The following NFILZ variants were observed in gnomAD, a reference collection of about 807,000 sequenced individuals.
NFILZ encodes the protein NFIL3 like basic leucine zipper.
chr19:8,652,976 C>CTTTCT, intron 3 of NFILZ, among the ~76,000 whole-genome samples: 1 of 96,142 alleles, frequency 1.0e-5, no homozygotes, highest in Admixed American at 1.2e-4. Context: ...TCCCTCCTTC[C>CTTTCT]TTCCTTCCTT....
At chr19:8,663,286 A>C (rs542592996) in intron 3 of NFILZ, among the ~76,000 whole-genome samples, 17 of 152,010 alleles carry the variant, frequency 1.1e-4, no homozygotes, top group African/African-American at 3.6e-4. Flanking sequence ...AGGTGAAGCC[A>C]GTAGTTTCCT....
intron 3 of NFILZ, among the ~76,000 whole-genome samples, chr19:8,636,443 ATCTTTT>A (rs1568416975): frequency 1.7e-5 from 1 of 59,190 alleles, no homozygotes; most frequent in Non-Finnish European, 3.4e-5. Flanking sequence ...GCGAGACTCC[ATCTTTT>A]TTTTTTTTTT....
At chr19:8,668,699 T>C (rs1555750037) in intron 3 of NFILZ, among the ~76,000 whole-genome samples, 1 of 152,178 alleles carries the variant, frequency 6.6e-6, no homozygotes, top group African/African-American at 2.4e-5. Context: ...TGCACTTCCA[T>C]GCGTGGGAGA....
rs1011342418 is a variant in NFILZ, at chr19:8,678,906, G to T, written c.*1271G>T. 3.9e-5 allele frequency among the ~76,000 whole-genome samples: 6 copies of T among 152,144 alleles called. No homozygotes were observed. Among genetic ancestry groups the T allele is most frequent in the Admixed American group, 6.5e-5 (1 of 15,286 alleles). On this transcript the variant is annotated 3_prime_UTR_variant, in exon 6 of 6. Transcript: ENST00000691075. ...TTTCTGGTCTTGGGTTTCCTGTCCT[G>T]GGGTAGGAATGGGTGTTTGGGAAGA...
chr19:8,660,636 C>T (rs2043025874), intron 3 of NFILZ, among the ~76,000 whole-genome samples: 1 of 96,498 alleles, frequency 1.0e-5, no homozygotes, highest in Non-Finnish European at 2.3e-5. Flanking sequence ...CCCTCCCTCC[C>T]TTACTTTTTT....
chr19:8,632,029 C>T (rs1028906537), intron 1 of NFILZ, among the ~76,000 whole-genome samples: 6 of 152,144 alleles, frequency 3.9e-5, no homozygotes, highest in Middle Eastern at 3.4e-3. Context: ...CCGCCACACT[C>T]GGCTAATTTT....
chr19:8,673,517 G>T (rs898480608), intron 3 of NFILZ, among the ~76,000 whole-genome samples: 1 of 152,198 alleles, frequency 6.6e-6, no homozygotes, highest in African/African-American at 2.4e-5. Flanking sequence ...AGTGGCAACA[G>T]GTGGGGAGGT....
intron 3 of NFILZ, among the ~76,000 whole-genome samples, chr19:8,648,166 C>T (rs1334803715): frequency 2.8e-4 from 30 of 105,998 alleles, no homozygotes; most frequent in African/African-American, 1.1e-3. Context: ...AGCGAGACTC[C>T]GTCTCAAAAA....
rs1356141264 is a variant in NFILZ, at chr19:8,678,067, T to C, written c.*432T>C. Among the ~76,000 whole-genome samples the C allele has an allele frequency of 1.7e-5, 1 of 58,972 alleles. No homozygotes were observed. The highest frequency in any genetic ancestry group is 3.3e-5 in the Non-Finnish European group (1 of 30,758). The allele number at this position is 58,972 out of a possible 152,430, so 38.7% of individuals were successfully genotyped here. Reference sequence around the variant, plus strand: ...ATCCATCCATCCACCCATCTATTCATCCATCCATCAATCCATCCATCCATT... The same window carrying C: ...ATCCATCCATCCACCCATCTATTCACCCATCCATCAATCCATCCATCCATT... On this transcript the variant is annotated 3_prime_UTR_variant, in exon 6 of 6. Coordinates refer to ENST00000691075, the MANE Select transcript of NFILZ (RefSeq NM_001378600.1).
chr19:8,638,433 A>C (rs1186577748), intron 3 of NFILZ: 1 of 152,206 alleles, frequency 6.6e-6, no homozygotes, highest in Non-Finnish European at 1.5e-5. Flanking sequence ...TCTGCCACTT[A>C]AGGACTGTGG....
intron 3 of NFILZ, among the ~76,000 whole-genome samples, chr19:8,637,479 G>C (rs1032711107): frequency 1.2e-4 from 18 of 151,578 alleles, no homozygotes; most frequent in African/African-American, 4.1e-4. Flanking sequence ...AGGGAATGGC[G>C]GTGCATACTT....
chr19:8,630,796 T>TTC (rs538904190), intron 1 of NFILZ, 52 bp downstream of exon 1: 4 of 152,262 alleles, frequency 2.6e-5, no homozygotes, highest in African/African-American at 9.6e-5. Context: ...GGTGGGACAT[T>TTC]TCTGGTCTCT....
intron 3 of NFILZ, among the ~76,000 whole-genome samples, chr19:8,648,055 T>C (rs1555747366): frequency 6.7e-6 from 1 of 150,196 alleles, no homozygotes; most frequent in African/African-American, 2.5e-5. Context: ...GTGCCTGTAG[T>C]CCCAGCTACT....
At chr19:8,666,245 G>T (rs926342899) in intron 3 of NFILZ, among the ~76,000 whole-genome samples, 23 of 151,816 alleles carry the variant, frequency 1.5e-4, no homozygotes, top group African/African-American at 4.6e-4. Context: ...TTGAGACAGG[G>T]TGTCACTCCT....
chr19:8,647,882 A>G (rs987862633), intron 3 of NFILZ, among the ~76,000 whole-genome samples: 18 of 151,198 alleles, frequency 1.2e-4, no homozygotes, highest in African/African-American at 4.4e-4. Context: ...GCATCAGGAA[A>G]AATAGGGAAG....
chr19:8,669,079 G>A (rs1308440003), intron 3 of NFILZ, among the ~76,000 whole-genome samples: 3 of 152,132 alleles, frequency 2.0e-5, no homozygotes, highest in African/African-American at 7.2e-5. Context: ...GAGTAGCTGG[G>A]ACTACAGGCG....
intron 3 of NFILZ, among the ~76,000 whole-genome samples, chr19:8,651,454 G>A (rs1271339917): frequency 2.0e-5 from 3 of 151,872 alleles, no homozygotes; most frequent in Non-Finnish European, 2.9e-5. Flanking sequence ...GAGCCACTGC[G>A]CCCGACCTTC....
intron 3 of NFILZ, among the ~76,000 whole-genome samples, chr19:8,656,284 C>CACTGAAG: frequency 2.0e-5 from 1 of 50,844 alleles, no homozygotes; most frequent in Non-Finnish European, 5.9e-5. Flanking sequence ...CCCACCTTCT[C>CACTGAAG]CCCACAGCCC....
At position 8,655,338 on chromosome 19, in the gene NFILZ, C is replaced by T. The variant is rs543619680; in HGVS notation, c.-163-19213C>T. Among the ~76,000 whole-genome samples the T allele has an allele frequency of 1.5e-4, 23 of 152,272 alleles. No homozygotes were observed. In the South Asian group the frequency reaches 4.8e-3, roughly 32 times the overall value. ...ACTTTAGCTGTGGCCAGCTCAGACTCCACTTACTGGGCTCCCAGGGGCTGG... is the reference window on the plus strand; with the variant it reads ...ACTTTAGCTGTGGCCAGCTCAGACTTCACTTACTGGGCTCCCAGGGGCTGG... On this transcript the variant is annotated intron_variant, in intron 3 of 5. Transcript: ENST00000691075.
Sources: gnomAD v4.1 joint callset for allele counts (sites outside exome capture counted in the v4.1 genomes callset) on GRCh38, gnomAD v4.1.1 for gene constraint, MANE v1.5 for transcripts, NCBI Gene and HGNC (gene_info 2026-07-23, HGNC 2026-07-21) for gene names.